PCDH11X: variants seen among roughly 807,000 people sequenced by gnomAD.
PCDH11X encodes protocadherin 11 X-linked.
A neutral mutation model predicts 53.3 loss-of-function variants in PCDH11X; 18 were observed. The observed-to-expected ratio is 0.34, with a 90% CI of 0.23 to 0.50. The LOEUF is 0.50. Ranked by LOEUF, PCDH11X falls within the 20% of genes least tolerant of loss-of-function variation. The pLI is 0.98. For missense variants in PCDH11X, 570 were observed against 1,032.4 expected, an observed-to-expected ratio of 0.55 and a Z score of 6.14; for synonymous variants, 279 against 393.3, an observed-to-expected ratio of 0.71 and a Z score of 3.44.
chrX:92,597,380 A>T (rs1034857256), intron 10 of PCDH11X, among the ~76,000 whole-genome samples: 9 of 110,930 alleles, frequency 8.1e-5, no homozygotes, highest in African/African-American at 2.6e-4. Flanking sequence ...TCTATATCCC[A>T]ACAGTGAATA....
At chrX:91,807,242 G>C (rs1179642712) in intron 1 of PCDH11X, among the ~76,000 whole-genome samples, 1 of 109,723 alleles carries the variant, frequency 9.1e-6, no homozygotes, top group African/African-American at 3.3e-5. Flanking sequence ...CTAGTTGGGA[G>C]GCTGAGGTAG....
At chrX:92,615,114 G>A (rs956858166) in intron 10 of PCDH11X, among the ~76,000 whole-genome samples, 9 of 111,604 alleles carry the variant, frequency 8.1e-5, no homozygotes, top group African/African-American at 2.9e-4. Context: ...CTGGAGATCT[G>A]TCTGCATGTG....
At chrX:92,421,662 TTTAAG>T (rs2071970212) in intron 9 of PCDH11X, among the ~76,000 whole-genome samples, 1 of 111,919 alleles carries the variant, frequency 8.9e-6, no homozygotes, top group Non-Finnish European at 1.9e-5. Flanking sequence ...GTAATTCTAC[TTTAAG>T]TTATTTGAGA....
intron 10 of PCDH11X, among the ~76,000 whole-genome samples, chrX:92,614,477 C>T (rs1927762637): frequency 9.2e-6 from 1 of 108,747 alleles, no homozygotes; most frequent in Non-Finnish European, 1.9e-5. Context: ...GTTCAACCTA[C>T]AAGCCAGTAG....
chrX:92,610,882 T>G (rs1213771714), intron 10 of PCDH11X, among the ~76,000 whole-genome samples: 1 of 111,541 alleles, frequency 9.0e-6, no homozygotes, highest in Non-Finnish European at 1.9e-5. Flanking sequence ...TTTTGTCAAC[T>G]TTGTCAAATA....
rs768271601 is a variant in PCDH11X, at chrX:92,138,318, T to C, written c.3034-63057T>C. 6.3e-5 allele frequency among the ~76,000 whole-genome samples: 7 copies of C among 111,080 alleles called. No individual in the cohort carries two copies. In the South Asian group the frequency reaches 2.7e-3, roughly 43 times the overall value. ...TGTGAATAGTGCTGAAAGCATAATGTTCTATAAAGGCTTTTTTTAATGGTA... is the reference window on the plus strand; with the variant it reads ...TGTGAATAGTGCTGAAAGCATAATGCTCTATAAAGGCTTTTTTTAATGGTA... On this transcript the variant is annotated intron_variant, in intron 6 of 10. Transcript: ENST00000682573.
intron 9 of PCDH11X, among the ~76,000 whole-genome samples, chrX:92,418,894 C>T (rs2071880851): frequency 9.4e-6 from 1 of 105,899 alleles, no homozygotes; most frequent in Admixed American, 1.0e-4. Context: ...ATGTAATGTT[C>T]CCTCTAACCA....
rs774157023 is a variant in PCDH11X at position 91,882,130 on chromosome X, G to A, written c.3033+2857G>A. 4.5e-5 allele frequency among the ~76,000 whole-genome samples: 5 copies of A among 110,710 alleles called. No individual in the cohort carries two copies. The South Asian group carries it at 1.5e-3, about 33-fold the overall frequency. Reference sequence around the variant, plus strand: ...CTGAAAATATATGGAACATTTATTAGATAGGAGTACATATATTGCATAAAG... The same window carrying A: ...CTGAAAATATATGGAACATTTATTAAATAGGAGTACATATATTGCATAAAG... On this transcript the variant is annotated intron_variant, in intron 6 of 10. Transcript: ENST00000682573.
At chrX:91,863,284 G>C (rs1602383603) in intron 5 of PCDH11X, among the ~76,000 whole-genome samples, 1 of 110,071 alleles carries the variant, frequency 9.1e-6, no homozygotes, top group South Asian at 3.9e-4. Context: ...AGGAGCTCCA[G>C]TGTTGGGTGC....
intron 6 of PCDH11X, among the ~76,000 whole-genome samples, chrX:91,921,908 G>A (rs12857952): frequency 1.8e-5 from 2 of 110,332 alleles, no homozygotes; most frequent in South Asian, 7.7e-4. Flanking sequence ...AGTGGCTATA[G>A]ATTCTCTTTC....
At chrX:92,125,027 C>T (rs977897166) in intron 6 of PCDH11X, among the ~76,000 whole-genome samples, 2 of 111,809 alleles carry the variant, frequency 1.8e-5, no homozygotes, top group Non-Finnish European at 3.8e-5. Flanking sequence ...TATGTACATA[C>T]TGTTTCATCG....
Position 92,432,952 on chromosome X carries a change from T to C in PCDH11X, c.3344-35347T>C, listed in dbSNP as rs1395900729. 2.7e-5 allele frequency among the ~76,000 whole-genome samples: 3 copies of C among 111,023 alleles called. No homozygotes were observed. The Admixed American group carries it at 2.9e-4, about 11-fold the overall frequency. On this transcript the variant is annotated intron_variant, in intron 9 of 10. Transcript: ENST00000682573. ...CTTCAATACAATTTTGGTTGAGATA[T>C]AGAAAGTCATGTTGTATTACTCCAA... is the stretch of plus-strand genomic sequence containing the variant.
chrX:92,047,653 G>T (rs1180541618), intron 6 of PCDH11X, among the ~76,000 whole-genome samples: 4 of 110,826 alleles, frequency 3.6e-5, no homozygotes, highest in African/African-American at 1.3e-4. Flanking sequence ...TCTATTTTTT[G>T]TTGTTGTTGT....
chrX:92,367,058 G>C (rs931042489), intron 8 of PCDH11X, among the ~76,000 whole-genome samples: 2 of 107,475 alleles, frequency 1.9e-5, no homozygotes, highest in Non-Finnish European at 3.9e-5. Context: ...TGTTAATTTT[G>C]TGTCTTGTTG....
At chrX:92,513,976 A>G (rs1334988063) in intron 10 of PCDH11X, among the ~76,000 whole-genome samples, 2 of 111,120 alleles carry the variant, frequency 1.8e-5, no homozygotes, top group Admixed American at 1.9e-4. Flanking sequence ...GGAATTGTAC[A>G]GTATGTTATC....
intron 4 of PCDH11X, among the ~76,000 whole-genome samples, chrX:91,828,305 A>G (rs1450601256): frequency 1.8e-5 from 2 of 109,349 alleles, no homozygotes; most frequent in East Asian, 5.8e-4. Context: ...ATTTTTTAGT[A>G]GAGACGGGGT....
intron 10 of PCDH11X, among the ~76,000 whole-genome samples, chrX:92,575,998 A>C (rs1414943073): frequency 1.4e-4 from 5 of 36,076 alleles, no homozygotes; most frequent in Admixed American, 1.2e-3. Flanking sequence ...ATATATATAT[A>C]TATATATATA....
intron 6 of PCDH11X, among the ~76,000 whole-genome samples, chrX:91,901,179 C>T (rs1226383989): frequency 9.0e-6 from 1 of 111,164 alleles, no homozygotes; most frequent in Non-Finnish European, 1.9e-5. Context: ...ATTAGATAAC[C>T]TATGAAATGT....
intron 7 of PCDH11X, among the ~76,000 whole-genome samples, chrX:92,242,371 C>T (rs756924099): frequency 1.8e-5 from 2 of 111,251 alleles, no homozygotes; most frequent in South Asian, 7.6e-4. Context: ...CATAGTGAAA[C>T]CTCGTATGTA....
Sources: gnomAD v4.1 joint callset for allele counts (sites outside exome capture counted in the v4.1 genomes callset) on GRCh38, gnomAD v4.1.1 for gene constraint, MANE v1.5 for transcripts, NCBI Gene and HGNC (gene_info 2026-07-23, HGNC 2026-07-21) for gene names.